The following CCDC187 variants were observed in gnomAD, a reference collection of about 807,000 sequenced individuals.
CCDC187 encodes the protein coiled-coil domain containing 187, also known as coiled-coil domain-containing protein 187.
A neutral mutation model predicts 38.0 loss-of-function variants in CCDC187; 32 were observed. That is an observed-to-expected ratio of 0.84 (90% CI 0.64 to 1.13). The LOEUF is 1.13. Among genes scored for constraint, CCDC187 ranks in the 50% most tolerant of loss-of-function variants. CCDC187 has a pLI of 0.00. For missense variants in CCDC187, 707 were observed against 786.8 expected (o/e 0.90, Z 1.21); for synonymous variants, 333 against 347.9 (o/e 0.96, Z 0.48).
At chr9:136,294,731 T>C (rs1372354425) in intron 4 of CCDC187, among the ~76,000 whole-genome samples, 1 of 152,208 alleles carries the variant, frequency 6.6e-6, no homozygotes, top group Non-Finnish European at 1.5e-5. Context: ...CACCAGGCCA[T>C]GCCCTCCCAA....
At chr9:136,289,783 C>T (rs1028792705) in intron 7 of CCDC187, among the ~76,000 whole-genome samples, 176 bp downstream of exon 7, 50 of 152,274 alleles carry the variant, frequency 3.3e-4, no homozygotes, top group Admixed American at 7.2e-4. Context: ...CAGTGGTGAC[C>T]GCCTCCTCCA....
chr9:136,286,352 C>T lies in CCDC187; in HGVS notation c.2566G>A (p.Asp856Asn), dbSNP rs1451332261. 4 of 398,500 alleles carry T rather than the reference C, an allele frequency of 1.0e-5. No homozygotes were observed. Among genetic ancestry groups the T allele is most frequent in the Admixed American group, 8.8e-5 (2 of 22,716 alleles). The allele number at this position is 398,500 out of a possible 1,614,324, so 24.7% of individuals were successfully genotyped here. A position where few individuals can be genotyped will look rare whatever the true frequency, so the allele number is the denominator to read the frequency against. The part of the protein sequence containing the change: ...QGAEALDTVR[D>N]PAVGLLRSCP... ...GAGCGCAGCAGGCCCACAGCTGGGTCCCTGACGGTGTCCAGCGCTTCGGCA... is the reference window on the plus strand; with the variant it reads ...GAGCGCAGCAGGCCCACAGCTGGGTTCCTGACGGTGTCCAGCGCTTCGGCA... The change falls in exon 8 of 26, where the codon GAC (aspartate) becomes AAC (asparagine). Residue 856 changes from aspartate (D) to asparagine (N), a missense_variant. Transcript: ENST00000638797.
At position 136,289,962 on chromosome 9, in the gene CCDC187, C is replaced by G. The variant is rs1347365871; in HGVS notation, c.2219G>C (p.Gly740Ala). 7.6e-6 allele frequency: 3 copies of G among 394,064 alleles called. No individual in the cohort carries two copies. Among genetic ancestry groups the G allele is most frequent in the African/African-American group, 2.1e-5 (1 of 48,488 alleles). The allele number at this position is 394,064 out of a possible 1,614,324, so 24.4% of individuals were successfully genotyped here. The change falls in exon 7 of 26, where the codon GGC becomes GCC. Residue 740 changes from glycine to alanine, a missense_variant. Coordinates refer to ENST00000638797, the MANE Select transcript of CCDC187 (RefSeq NM_001378188.1). ...GMVLGGQEAP[G>A]SFCLCLNRAW... ...GCACCCACACTTTCACACCCACCTG[C>G]CTGGGGCTTCCTGGCCCCCCAGCAC...
Position 136,254,247 on chromosome 9 carries a change from C to T in CCDC187, c.5581G>A (p.Glu1861Lys). 2.0e-6 allele frequency: 2 copies of T among 985,406 alleles called. No individual in the cohort carries two copies. Among genetic ancestry groups the T allele is most frequent in the Non-Finnish European group, 2.4e-6 (2 of 829,960 alleles). 61.0% of individuals were successfully genotyped at this position (985,406 alleles called of 1,614,324 possible). Reference sequence around the variant, plus strand: ...GCCTCAGGGGGTGCCTGGAGGGCTTCTCCTGTGTCTGACACCCCCATCAGG... The same window carrying T: ...GCCTCAGGGGGTGCCTGGAGGGCTTTTCCTGTGTCTGACACCCCCATCAGG... ...ESLMGVSDTG[E>K]ALQAPPEAAG... The change falls in exon 26 of 26, where the codon GAA (glutamate) becomes AAA (lysine). Residue 1861 changes from glutamate to lysine, a missense_variant. Coordinates refer to ENST00000638797, the MANE Select transcript of CCDC187 (RefSeq NM_001378188.1).
intron 4 of CCDC187, among the ~76,000 whole-genome samples, chr9:136,293,941 C>T (rs935811729): frequency 9.3e-5 from 9 of 96,428 alleles, no homozygotes; most frequent in African/African-American, 3.1e-4. Context: ...CGTGCTCTCC[C>T]ACACACACAT....
chr9:136,268,139 C>A lies in CCDC187; in HGVS notation c.3443-14G>T. The A allele has an allele frequency of 2.0e-6, 2 of 985,452 alleles. No individual in the cohort carries two copies. Among genetic ancestry groups the A allele is most frequent in the Non-Finnish European group, 2.4e-6 (2 of 829,942 alleles). 61.0% of individuals were successfully genotyped at this position (985,452 alleles called of 1,614,324 possible). On this transcript the variant is annotated splice_polypyrimidine_tract_variant and intron_variant, in intron 14 of 25. Transcript: ENST00000638797. ...GGCCCTCCACCTCTGAGGAAGGAAG[C>A]GCCATGGTTGGGTCATGTAGGGGGT...
chr9:136,287,367 C>G (rs1016715605), intron 7 of CCDC187, among the ~76,000 whole-genome samples: 1 of 152,174 alleles, frequency 6.6e-6, no homozygotes, highest in Non-Finnish European at 1.5e-5. Context: ...ACCTGAGTTC[C>G]TTTCTCAGGA....
At chr9:136,284,103 A>G (rs1654197289) in intron 9 of CCDC187, among the ~76,000 whole-genome samples, 1 of 152,034 alleles carries the variant, frequency 6.6e-6, no homozygotes, top group Admixed American at 6.5e-5. Flanking sequence ...TCGGGCCAGG[A>G]AATGTCCCAG....
chr9:136,287,201 C>T (rs1477868690), intron 7 of CCDC187, among the ~76,000 whole-genome samples: 1 of 151,928 alleles, frequency 6.6e-6, no homozygotes, highest in Non-Finnish European at 1.5e-5. Flanking sequence ...GACATTCCGA[C>T]GCAGGCTACA....
Position 136,284,398 on chromosome 9 carries a change from CGA to C in CCDC187, c.2927+1113_2927+1114del, listed in dbSNP as rs1222851863. Among the ~76,000 whole-genome samples, 8 of 152,292 alleles carry C rather than the reference CGA, an allele frequency of 5.3e-5. No homozygotes were observed. The East Asian group carries it at 1.4e-3, about 26-fold the overall frequency. On this transcript the variant is annotated intron_variant, in intron 9 of 25. Coordinates refer to ENST00000638797, the MANE Select transcript of CCDC187 (RefSeq NM_001378188.1). ...GCATTGAGGGTGCACAGAGCTTTCCCGAGAGACCGCCGCCGGCCTGGCCTCCT... is the reference window on the plus strand; with the variant it reads ...GCATTGAGGGTGCACAGAGCTTTCCCGAGACCGCCGCCGGCCTGGCCTCCT...
At position 136,258,619 on chromosome 9, in the gene CCDC187, C is replaced by G. The variant is rs1408465313; in HGVS notation, c.4366+313G>C. 1 of 826,822 alleles carries G rather than the reference C, an allele frequency of 1.2e-6. No homozygotes were observed. The highest frequency in any genetic ancestry group is 1.8e-5 in the African/African-American group (1 of 54,096). 51.2% of individuals were successfully genotyped at this position (826,822 alleles called of 1,614,324 possible). Reference sequence around the variant, plus strand: ...CAGAAACCTCCGTCAGCTGAAGACGCTCAGGCAGTGCTGGCTTCCAAACAC... The same window carrying G: ...CAGAAACCTCCGTCAGCTGAAGACGGTCAGGCAGTGCTGGCTTCCAAACAC... On this transcript the variant is annotated intron_variant, in intron 22 of 25. Transcript: ENST00000638797. This position sits in a 1 kb window ranked among gnomAD's most constrained non-coding sequence, Gnocchi z 4.3.
chr9:136,256,075 T>G, intron 24 of CCDC187, 136 bp downstream of exon 24: 1 of 327,888 alleles, frequency 3.0e-6, no homozygotes, highest in Non-Finnish European at 4.4e-6. Context: ...TCAGGGTGGG[T>G]GCAGGGCTGT....
chr9:136,255,626 C>G (rs771287412), intron 25 of CCDC187, 31 bp downstream of exon 25: 420 of 966,766 alleles, frequency 4.3e-4, no homozygotes, highest in Non-Finnish European at 4.5e-4. Context: ...GACTCGATGG[C>G]TGAAGGAGGG....
At chr9:136,268,183 G>A in intron 14 of CCDC187, 58 bp from the exon 15 acceptor site, 1 of 965,494 alleles carries the variant, frequency 1.0e-6, no homozygotes, top group Non-Finnish European at 1.2e-6. Flanking sequence ...CCCGTGTCAG[G>A]GGCCATTTCT....
At chr9:136,279,835 G>A (rs1287875754) in intron 10 of CCDC187, among the ~76,000 whole-genome samples, 1 of 152,264 alleles carries the variant, frequency 6.6e-6, no homozygotes, top group Non-Finnish European at 1.5e-5. Flanking sequence ...TCAGCCATGA[G>A]GGTTCCACCC....
intron 25 of CCDC187, 46 bp downstream of exon 25, chr9:136,255,611 G>C: frequency 1.5e-5 from 13 of 894,066 alleles, no homozygotes; most frequent in Non-Finnish European, 1.7e-5. Flanking sequence ...GGGACCCTTA[G>C]TGGGGACTCG....
At chr9:136,262,567 AGTGCCGGGGCTGCTTGCTCCCCACTGG>A in intron 18 of CCDC187, 105 bp from the exon 19 acceptor site, 1 of 918,788 alleles carries the variant, frequency 1.1e-6, no homozygotes, top group Non-Finnish European at 1.3e-6. Flanking sequence ...GGGCTAGGGC[AGTGCCGGGGCTGCTTGCTCCCCACTGG>A]GTGCCAGGCT....
chr9:136,293,195 A>G lies in CCDC187; in HGVS notation c.833-900T>C, dbSNP rs932292898. 4.9e-3 allele frequency among the ~76,000 whole-genome samples: 710 copies of G among 146,250 alleles called. 19 individuals are homozygous for G. Among genetic ancestry groups the G allele is most frequent in the Non-Finnish European group, 5.5e-3 (371 of 67,016 alleles). On this transcript the variant is annotated intron_variant, in intron 4 of 25. Coordinates refer to ENST00000638797, the MANE Select transcript of CCDC187 (RefSeq NM_001378188.1). ...CATGCTCACACACACTCACATGCTC[A>G]CACACTCACAAACACATGCTCACAC...
intron 2 of CCDC187, among the ~76,000 whole-genome samples, chr9:136,301,986 C>A (rs1475544444): frequency 6.6e-6 from 1 of 151,856 alleles, no homozygotes; most frequent in Non-Finnish European, 1.5e-5. Flanking sequence ...CCGAGGTGGG[C>A]GGATCATGAG....
Sources: allele counts gnomAD v4.1 joint callset (sites outside exome capture counted in the v4.1 genomes callset), GRCh38; gene constraint gnomAD v4.1.1; non-coding constraint Gnocchi (gnomAD v3.1); transcripts MANE v1.5; gene names NCBI Gene and HGNC (gene_info 2026-07-23, HGNC 2026-07-21).